Variants in FAM222B observed in about 807,000 individuals in gnomAD.
FAM222B encodes protein FAM222B.
FAM222B carries 12 observed loss-of-function variants against 38.0 expected under a neutral mutation model. The ratio of observed to expected loss-of-function variants is 0.32; its 90% CI spans 0.20 to 0.51. The LOEUF is 0.51. FAM222B is among the 20% of genes least tolerant of loss of function. FAM222B has a pLI of 0.97. For synonymous variants in FAM222B, 329 were observed against 317.2 expected, an observed-to-expected ratio of 1.04 and a Z score of -0.40; for missense variants, 716 against 754.2, an observed-to-expected ratio of 0.95 and a Z score of 0.59.
intron 2 of FAM222B, among the ~76,000 whole-genome samples, chr17:28,760,912 G>A (rs1446589695): frequency 1.3e-5 from 2 of 152,174 alleles, no homozygotes; most frequent in African/African-American, 4.8e-5. Flanking sequence ...CTCTATGCCC[G>A]ACTGGATGAG....
chr17:28,802,418 T>G (rs1460957524), intron 1 of FAM222B: 1 of 152,376 alleles, frequency 6.6e-6, no homozygotes, highest in Non-Finnish European at 1.5e-5. Context: ...AGCTTTAAAG[T>G]GATGACTGCT....
chr17:28,840,451 T>C (rs2038999185), intron 1 of FAM222B, among the ~76,000 whole-genome samples: 1 of 152,052 alleles, frequency 6.6e-6, no homozygotes, highest in Non-Finnish European at 1.5e-5. Flanking sequence ...AAAAAACACG[T>C]CTCAGGAGTG....
intron 1 of FAM222B, chr17:28,834,607 C>T (rs2038775375): frequency 6.6e-6 from 1 of 152,096 alleles, no homozygotes; most frequent in Non-Finnish European, 1.5e-5. Flanking sequence ...CTCTAACTTT[C>T]CCCTCCCACT....
chr17:28,790,915 T>TTTTTTTTTA lies in FAM222B; in HGVS notation c.-40-24209_-40-24208insTAAAAAAAA, dbSNP rs752443903. Among the ~76,000 whole-genome samples the TTTTTTTTTA allele has an allele frequency of 2.4e-4, 29 of 121,084 alleles. 1 individual carries two copies. The highest frequency in any genetic ancestry group is 3.6e-4 in the Non-Finnish European group (21 of 58,586). 79.4% of individuals were successfully genotyped at this position (121,084 alleles called of 152,430 possible). ...TTTTTTTTTTTTTTTTTTTTTTTTT[T>TTTTTTTTTA]AGAGACAGAATCTTGCTCTGTTGCC... On this transcript the variant is annotated intron_variant, in intron 1 of 2. Transcript: ENST00000581407.
At chr17:28,784,491 TAAAAAAAAAAAAAAAAAAAAA>T (rs559624246) in intron 1 of FAM222B, among the ~76,000 whole-genome samples, 52 of 36,044 alleles carry the variant, frequency 1.4e-3, no homozygotes, top group East Asian at 3.3e-3. Flanking sequence ...TCCCCTCTCT[TAAAAAAAAAAAAAAAAAAAAA>T]AAAAAAAAAA....
At chr17:28,805,668 AAGAG>A (rs534137940) in intron 1 of FAM222B, among the ~76,000 whole-genome samples, 72 of 152,252 alleles carry the variant, frequency 4.7e-4, no homozygotes, top group African/African-American at 1.7e-3. Context: ...AAAAGAAAGA[AAGAG>A]AAACACAAAA....
At chr17:28,833,389 G>C (rs576475004) in intron 1 of FAM222B, among the ~76,000 whole-genome samples, 1 of 151,892 alleles carries the variant, frequency 6.6e-6, no homozygotes, top group Non-Finnish European at 1.5e-5. Context: ...GGCCGAAGCA[G>C]GTGCATCACC....
At chr17:28,840,291 G>A (rs535779674) in intron 1 of FAM222B, among the ~76,000 whole-genome samples, 3 of 151,938 alleles carry the variant, frequency 2.0e-5, no homozygotes, top group Non-Finnish European at 2.9e-5. Flanking sequence ...GCTTGAACCC[G>A]GGAGGTGGAG....
intron 1 of FAM222B, among the ~76,000 whole-genome samples, chr17:28,820,761 G>A (rs1281670464): frequency 4.6e-5 from 7 of 151,906 alleles, no homozygotes; most frequent in Admixed American, 4.6e-4. Context: ...GGCCTCCCGA[G>A]TAGCGGGAAT....
At chr17:28,811,818 C>T (rs545331125) in intron 1 of FAM222B, among the ~76,000 whole-genome samples, 223 of 152,320 alleles carry the variant, frequency 1.5e-3, no homozygotes, top group Non-Finnish European at 2.2e-3. Context: ...CTGATCAAGG[C>T]AGTCCCAAGG....
chr17:28,821,872 G>T (rs566818861), intron 1 of FAM222B, among the ~76,000 whole-genome samples: 3 of 152,182 alleles, frequency 2.0e-5, no homozygotes, highest in African/African-American at 7.2e-5. Context: ...TGAGGCAGGA[G>T]AATCGCTTCA....
At chr17:28,781,209 G>A (rs1340178019) in intron 1 of FAM222B, among the ~76,000 whole-genome samples, 2 of 151,996 alleles carry the variant, frequency 1.3e-5, no homozygotes, top group Non-Finnish European at 1.5e-5. Flanking sequence ...GAGGTGGGGG[G>A]ATCACCTGAG....
intron 1 of FAM222B, among the ~76,000 whole-genome samples, chr17:28,788,173 C>T (rs1232743952): frequency 1.3e-5 from 2 of 152,032 alleles, no homozygotes; most frequent in Non-Finnish European, 2.9e-5. Context: ...ACAACTCACT[C>T]AATGATCAGC....
intron 1 of FAM222B, among the ~76,000 whole-genome samples, chr17:28,809,662 C>T (rs530047646): frequency 6.6e-6 from 1 of 152,028 alleles, no homozygotes; most frequent in Non-Finnish European, 1.5e-5. Context: ...AGTGATCACA[C>T]AAATCAGTCA....
At chr17:28,840,847 G>A (rs2152630239) in intron 1 of FAM222B, among the ~76,000 whole-genome samples, 1 of 151,966 alleles carries the variant, frequency 6.6e-6, no homozygotes, top group East Asian at 1.9e-4. Flanking sequence ...TATAATCCCA[G>A]GTACTAGGGA....
At chr17:28,786,302 A>C (rs2036408717) in intron 1 of FAM222B, among the ~76,000 whole-genome samples, 1 of 152,226 alleles carries the variant, frequency 6.6e-6, no homozygotes, top group Non-Finnish European at 1.5e-5. Flanking sequence ...GTGAAGGATA[A>C]GACAGCAACT....
intron 1 of FAM222B, among the ~76,000 whole-genome samples, chr17:28,786,141 G>T (rs1014342164): frequency 4.8e-5 from 7 of 145,172 alleles, no homozygotes; most frequent in Admixed American, 2.1e-4. Context: ...CATAGGTTTT[G>T]TTTTTTTTTT....
intron 1 of FAM222B, chr17:28,834,783 T>G (rs959404869): frequency 1.3e-5 from 2 of 151,924 alleles, no homozygotes; most frequent in African/African-American, 4.8e-5. Flanking sequence ...AATTTCTTTG[T>G]TGCTTCTTCA....
chr17:28,828,529 A>G (rs1431754831), intron 1 of FAM222B, among the ~76,000 whole-genome samples: 1 of 151,642 alleles, frequency 6.6e-6, no homozygotes, highest in African/African-American at 2.4e-5. Flanking sequence ...TGATTGTGCC[A>G]CTGCACTCCA....
Sources: gnomAD v4.1 joint callset for allele counts (sites outside exome capture counted in the v4.1 genomes callset) on GRCh38, gnomAD v4.1.1 for gene constraint, MANE v1.5 for transcripts, NCBI Gene and HGNC (gene_info 2026-07-23, HGNC 2026-07-21) for gene names.